Variants in DGKE observed in about 807,000 individuals in gnomAD.
The protein encoded by DGKE is diacylglycerol kinase epsilon, also known as DAG kinase epsilon.
A neutral mutation model predicts 70.0 loss-of-function variants in DGKE; 53 were observed. The ratio of observed to expected loss-of-function variants is 0.76; its 90% CI spans 0.61 to 0.95. DGKE has a LOEUF of 0.95. Among genes scored for constraint, DGKE ranks in the 40% least tolerant of loss-of-function variants. The pLI, the probability that DGKE is intolerant of heterozygous loss-of-function variation, is 0.00. For missense variants in DGKE, 655 were observed against 706.9 expected (o/e 0.93, Z 0.83); for synonymous variants, 291 against 257.0 (o/e 1.13, Z -1.27).
In DGKE at chr17:56,848,029, G is replaced by T; in HGVS notation, c.852G>T (p.Gly284=). Reference sequence around the variant, plus strand: ...TTTGTGGAGGGGATGGGACTGTAGGGTGGGTCCTGGATGCAGTTGATGACA... The same window carrying T: ...TTTGTGGAGGGGATGGGACTGTAGGTTGGGTCCTGGATGCAGTTGATGACA... ...VLVCGGDGTV[G]WVLDAVDDMK... The change falls in exon 5 of 12, where the codon GGG becomes GGT. Residue 284 remains glycine (G), a synonymous_variant. Transcript: ENST00000284061. 2 of 1,597,610 alleles carry T rather than the reference G, an allele frequency of 1.3e-6. No individual in the cohort carries two copies. Among genetic ancestry groups the T allele is most frequent in the African/African-American group, 1.3e-5 (1 of 74,342 alleles).
chr17:56,854,238 T>C (rs904596045), intron 7 of DGKE, among the ~76,000 whole-genome samples: 2 of 152,192 alleles, frequency 1.3e-5, no homozygotes, highest in African/African-American at 4.8e-5. Context: ...TAAGTTCTGC[T>C]ATTGCACAGC....
chr17:56,847,006 C>T (rs948359424), intron 4 of DGKE, among the ~76,000 whole-genome samples: 2 of 152,066 alleles, frequency 1.3e-5, no homozygotes, highest in Non-Finnish European at 2.9e-5. Context: ...CATTATTTAT[C>T]CAGTCTCTAC....
chr17:56,848,581 C>T (rs1462651647), intron 5 of DGKE, 115 bp from the exon 6 acceptor site: 2 of 1,040,438 alleles, frequency 1.9e-6, no homozygotes, highest in Non-Finnish European at 2.8e-6. Context: ...AGCAAAACAA[C>T]ATACAGTTGT....
At chr17:56,840,499 C>G (rs953580049) in intron 2 of DGKE, among the ~76,000 whole-genome samples, 1 of 152,132 alleles carries the variant, frequency 6.6e-6, no homozygotes, top group African/African-American at 2.4e-5. Flanking sequence ...CCTCAGCCTC[C>G]CGAGTAGCTG....
In DGKE at chr17:56,835,136, A is replaced by G. The variant is rs564611390; in HGVS notation, c.341A>G (p.Lys114Arg). 2.5e-6 allele frequency: 4 copies of G among 1,614,066 alleles called. No homozygotes were observed. Among genetic ancestry groups the G allele is most frequent in the Admixed American group, 1.7e-5 (1 of 60,030 alleles). Residue 114 changes from lysine to arginine, a missense_variant, in exon 2 of 12, where the codon AAG becomes AGG. Physicochemically the swap from Lys to Arg is conservative, Grantham distance 26. Coordinates refer to ENST00000284061, the MANE Select transcript of DGKE (RefSeq NM_003647.3). ...KRFQCKEIML[K>R]NDTKVLDAMP... ...TTCCAGTGCAAGGAGATTATGCTCAAGAATGACACCAAGGTCCTGGACGCC... is the reference window on the plus strand; with the variant it reads ...TTCCAGTGCAAGGAGATTATGCTCAGGAATGACACCAAGGTCCTGGACGCC...
At chr17:56,851,569 T>C (rs1907652871) in intron 7 of DGKE, among the ~76,000 whole-genome samples, 1 of 152,234 alleles carries the variant, frequency 6.6e-6, no homozygotes, top group African/African-American at 2.4e-5. Context: ...CAAGAGCTGC[T>C]TTTGGATGCA....
chr17:56,835,191 G>A lies in DGKE; in HGVS notation c.396G>A (p.Val132=), dbSNP rs1202061566. Residue 132 remains valine (V), a synonymous_variant, in exon 2 of 12, where the codon GTG becomes GTA. Coordinates refer to ENST00000284061, the MANE Select transcript of DGKE (RefSeq NM_003647.3). ...AMPHHWIRGN[V]PLCSYCMVCK... ...CCCACCACTGGATCCGGGGCAACGT[G>A]CCCCTGTGCAGTTACTGTATGGTTT... The A allele has an allele frequency of 6.2e-7, 1 of 1,613,936 alleles. No individual in the cohort carries two copies. The highest frequency in any genetic ancestry group is 1.3e-5 in the African/African-American group (1 of 74,940).
In DGKE at chr17:56,856,521, A is replaced by G. The variant is rs781661625; in HGVS notation, c.1108A>G (p.Met370Val). The G allele has an allele frequency of 6.2e-7, 1 of 1,612,890 alleles. No homozygotes were observed. The highest frequency in any genetic ancestry group is 8.5e-7 in the Non-Finnish European group (1 of 1,179,590). ...YNLRKPKEFT[M>V]NNYFSVGPDA... ...TTACCCTTTCTCACAGGAATTCACA[A>G]TGAACAACTATTTTTCTGTTGGACC... The change falls in exon 8 of 12, where the codon ATG (methionine) becomes GTG (valine). Residue 370 changes from methionine (M) to valine (V), a missense_variant. Physicochemically the swap from Met to Val is conservative, Grantham distance 21. Coordinates refer to ENST00000284061, the MANE Select transcript of DGKE (RefSeq NM_003647.3).
Position 56,862,162 on chromosome 17 carries a change from G to T in DGKE, c.1435G>T (p.Val479Phe). 3 of 1,614,130 alleles carry T rather than the reference G, an allele frequency of 1.9e-6. No homozygotes were observed. Among genetic ancestry groups the T allele is most frequent in the Non-Finnish European group, 2.5e-6 (3 of 1,180,000 alleles). ...TAGGCATGACGATGGTCTGCTGGAA[G>T]TCGTTGGAGTATATGGGTCTTTCCA... ...LARHDDGLLE[V>F]VGVYGSFHCA... is the part of the protein sequence containing the mutation. The change falls in exon 11 of 12, where the codon GTC (valine) becomes TTC (phenylalanine). Residue 479 changes from valine to phenylalanine, a missense_variant. Transcript: ENST00000284061.
At chr17:56,837,531 A>G (rs141759685) in intron 2 of DGKE, among the ~76,000 whole-genome samples, 327 of 152,362 alleles carry the variant, frequency 2.1e-3, no homozygotes, top group African/African-American at 7.4e-3. Context: ...AGAAGAGACC[A>G]CAGTGTCCTG....
At chr17:56,860,348 A>G (rs551318599) in intron 9 of DGKE, among the ~76,000 whole-genome samples, 4 of 152,274 alleles carry the variant, frequency 2.6e-5, no homozygotes, top group African/African-American at 9.6e-5. Context: ...CCTGGGCAAC[A>G]TAGTGAGACT....
chr17:56,844,408 TA>T (rs1241788574), intron 3 of DGKE, among the ~76,000 whole-genome samples: 1 of 152,180 alleles, frequency 6.6e-6, no homozygotes, highest in African/African-American at 2.4e-5. Context: ...CTTTCATGTC[TA>T]AAAGGAAATT....
intron 2 of DGKE, among the ~76,000 whole-genome samples, chr17:56,839,657 T>G (rs1057435087): frequency 6.6e-6 from 1 of 152,088 alleles, no homozygotes; most frequent in Non-Finnish European, 1.5e-5. Context: ...TAGCTGGGAC[T>G]ACAGACATGC....
rs1908533414 is a variant in DGKE at position 56,866,579 on chromosome 17, A to G, written c.*3788A>G. 1 of 152,238 alleles carries G rather than the reference A, an allele frequency of 6.6e-6. No individual in the cohort carries two copies. Among genetic ancestry groups the G allele is most frequent in the South Asian group, 2.1e-4 (1 of 4,836 alleles). 9.4% of individuals were successfully genotyped at this position (152,238 alleles called of 1,614,324 possible). On this transcript the variant is annotated 3_prime_UTR_variant, in exon 12 of 12. Transcript: ENST00000284061. Reference sequence around the variant, plus strand: ...ATTTGTATCATACCCAAATTGATATATTTGTCTGAACTCTGTTACATAAAA... The same window carrying G: ...ATTTGTATCATACCCAAATTGATATGTTTGTCTGAACTCTGTTACATAAAA...
intron 2 of DGKE, among the ~76,000 whole-genome samples, chr17:56,842,303 C>T (rs1907038886): frequency 6.6e-6 from 1 of 151,762 alleles, no homozygotes; most frequent in African/African-American, 2.4e-5. Flanking sequence ...TGTTTATATT[C>T]TGGTTTTTAG....
At chr17:56,855,574 A>C (rs764888355) in intron 7 of DGKE, among the ~76,000 whole-genome samples, 1 of 152,232 alleles carries the variant, frequency 6.6e-6, no homozygotes, top group Non-Finnish European at 1.5e-5. Flanking sequence ...CTAAAGGGTT[A>C]CTGTGTCCTA....
In DGKE at chr17:56,835,254, T is replaced by G. The variant is rs767517741; in HGVS notation, c.459T>G (p.Asp153Glu). The change falls in exon 2 of 12, where the codon GAT becomes GAG. Residue 153 changes from aspartate (D) to glutamate (E), a missense_variant. Asp to Glu is a conservative substitution (Grantham distance 45). Transcript: ENST00000284061. Reference protein sequence around the residue: ...QQCGCQPKLCDYRCIWCQKTV... With the variant: ...QQCGCQPKLCEYRCIWCQKTV... Reference sequence around the variant, plus strand: ...GTGGCTGTCAACCCAAGCTTTGCGATTACAGGTATGGTCTTCGTGGACACT... The same window carrying G: ...GTGGCTGTCAACCCAAGCTTTGCGAGTACAGGTATGGTCTTCGTGGACACT... 10 of 1,608,768 alleles carry G rather than the reference T, an allele frequency of 6.2e-6. No individual in the cohort carries two copies. The highest frequency in any genetic ancestry group is 8.5e-6 in the Non-Finnish European group (10 of 1,178,448).
At chr17:56,835,652 T>C (rs1021889497) in intron 2 of DGKE, 8 of 294,444 alleles carry the variant, frequency 2.7e-5, no homozygotes, top group Non-Finnish European at 3.1e-5. Flanking sequence ...GCAAAACTGA[T>C]GGGTCACAGG....
chr17:56,852,420 A>AG (rs984824715), intron 7 of DGKE, among the ~76,000 whole-genome samples: 5 of 151,990 alleles, frequency 3.3e-5, no homozygotes, highest in Non-Finnish European at 7.4e-5. Context: ...CTCAAAAAAA[A>AG]AAAAATCAAG....
Sources: gnomAD v4.1 joint callset for allele counts (sites outside exome capture counted in the v4.1 genomes callset) on GRCh38, gnomAD v4.1.1 for gene constraint, MANE v1.5 for transcripts, NCBI Gene and HGNC (gene_info 2026-07-23, HGNC 2026-07-21) for gene names.